CAMK2B: variants seen among roughly 807,000 people sequenced by gnomAD.
CAMK2B encodes the protein calcium/calmodulin-dependent protein kinase type II subunit beta.
Under a neutral mutation model 93.7 loss-of-function variants are expected in CAMK2B, and 27 were observed. The observed-to-expected ratio is 0.29, with a 90% CI of 0.21 to 0.40. The LOEUF is 0.40. Among genes scored for constraint, CAMK2B ranks in the 10% least tolerant of loss-of-function variants. The pLI, the probability that CAMK2B is intolerant of heterozygous loss-of-function variation, is 1.00. For missense variants in CAMK2B, 568 were observed against 895.8 expected (o/e 0.63, Z 4.67); for synonymous variants, 374 against 358.8 (o/e 1.04, Z -0.48).
Position 44,318,693 on chromosome 7 carries a change from G to A in CAMK2B, c.65+6664C>T, listed in dbSNP as rs181201728. ...GCTGCTCACAAAGTGAGGAAACAAG[G>A]ACTGTGGGTCCCAAATTCCACCCTG... On this transcript the variant is annotated intron_variant, in intron 1 of 23. Coordinates refer to ENST00000395749, the MANE Select transcript of CAMK2B (RefSeq NM_001220.5). Among the ~76,000 whole-genome samples, 357 of 152,344 alleles carry A rather than the reference G, an allele frequency of 2.3e-3. 2 individuals carry two copies. Among genetic ancestry groups the A allele is most frequent in the African/African-American group, 8.0e-3 (331 of 41,578 alleles).
At chr7:44,304,193 T>C (rs1389276319) in intron 1 of CAMK2B, among the ~76,000 whole-genome samples, 2 of 152,188 alleles carry the variant, frequency 1.3e-5, no homozygotes, top group Non-Finnish European at 2.9e-5. Flanking sequence ...GGTAGTTTCT[T>C]GCAAAACTAA....
intron 1 of CAMK2B, among the ~76,000 whole-genome samples, chr7:44,287,891 C>T (rs1297870824): frequency 6.6e-6 from 1 of 152,226 alleles, no homozygotes; most frequent in African/African-American, 2.4e-5. Flanking sequence ...TCACTTTTGC[C>T]ACTCCCCCTT....
In CAMK2B at chr7:44,225,800, C is replaced by G. The variant is rs1433278927; in HGVS notation, c.1597+716G>C. ...CTGCCATGCCGAGCCCGTGGCCCAGCAGCCTCTTCTCTAAGAGTATCTCCA... is the reference window on the plus strand; with the variant it reads ...CTGCCATGCCGAGCCCGTGGCCCAGGAGCCTCTTCTCTAAGAGTATCTCCA... On this transcript the variant is annotated intron_variant, in intron 20 of 23. Transcript: ENST00000395749. The surrounding 1 kb of genome is among the most constrained non-coding windows in gnomAD (Gnocchi z 5.0). 2.3e-6 allele frequency: 3 copies of G among 1,289,410 alleles called. No homozygotes were observed. The highest frequency in any genetic ancestry group is 3.0e-6 in the Non-Finnish European group (3 of 988,810). The allele number at this position is 1,289,410 out of a possible 1,614,324, so 79.9% of individuals were successfully genotyped here. A position where few individuals can be genotyped will look rare whatever the true frequency, so the allele number is the denominator to read the frequency against.
At chr7:44,251,189 C>T (rs2096777175) in intron 5 of CAMK2B, among the ~76,000 whole-genome samples, 1 of 152,182 alleles carries the variant, frequency 6.6e-6, no homozygotes. Context: ...GGCCTCGGCC[C>T]ATCCTGTCCC....
chr7:44,302,220 A>G (rs781678342), intron 1 of CAMK2B, among the ~76,000 whole-genome samples: 1 of 152,236 alleles, frequency 6.6e-6, no homozygotes, highest in African/African-American at 2.4e-5. Context: ...ATAATGTAAT[A>G]TAAACAGGAC....
At chr7:44,263,193 C>A in intron 2 of CAMK2B, 129 bp from the exon 3 acceptor site, 1 of 762,876 alleles carries the variant, frequency 1.3e-6, no homozygotes, top group Non-Finnish European at 2.1e-6. Flanking sequence ...GTGCCCCCAC[C>A]AAGGGAACAC....
At chr7:44,318,983 G>A (rs1216054388) in intron 1 of CAMK2B, among the ~76,000 whole-genome samples, 1 of 152,096 alleles carries the variant, frequency 6.6e-6, no homozygotes, top group Non-Finnish European at 1.5e-5. Flanking sequence ...AACATAAAAG[G>A]ATGTTTTCAT....
intron 20 of CAMK2B, among the ~76,000 whole-genome samples, chr7:44,221,517 TC>T: frequency 6.7e-6 from 1 of 149,902 alleles, no homozygotes. Context: ...GCTGCAGGGT[TC>T]CCCGGAGCGA....
rs2096363627 is a variant in CAMK2B at position 44,218,812 on chromosome 7, A to G, written c.*713T>C. The G allele has an allele frequency of 6.6e-6, 1 of 152,308 alleles. No homozygotes were observed. The highest frequency in any genetic ancestry group is 1.9e-4 in the East Asian group (1 of 5,196). The allele number at this position is 152,308 out of a possible 1,614,324, so 9.4% of individuals were successfully genotyped here. ...CCTTGGGGACGGGACTCCAGTTTCA[A>G]TACTCCAGGGGGTGAGGGGCCGGCC... is the stretch of plus-strand genomic sequence containing the variant. On this transcript the variant is annotated 3_prime_UTR_variant, in exon 24 of 24. Transcript: ENST00000395749.
chr7:44,245,862 G>C (rs1235305188), intron 6 of CAMK2B, among the ~76,000 whole-genome samples: 1 of 152,178 alleles, frequency 6.6e-6, no homozygotes, highest in African/African-American at 2.4e-5. Context: ...AATGCCATCA[G>C]GGTGATGGCC....
At chr7:44,293,619 G>T (rs1787460354) in intron 1 of CAMK2B, among the ~76,000 whole-genome samples, 1 of 152,212 alleles carries the variant, frequency 6.6e-6, no homozygotes, top group South Asian at 2.1e-4. Flanking sequence ...TTTCACCTAA[G>T]ATTATCAGGC....
chr7:44,271,526 T>C lies in CAMK2B; in HGVS notation c.161-8462A>G, dbSNP rs1231270496. Among the ~76,000 whole-genome samples the C allele has an allele frequency of 1.3e-5, 2 of 152,166 alleles. No individual in the cohort carries two copies. The highest frequency in any genetic ancestry group is 6.5e-5 in the Admixed American group (1 of 15,286). On this transcript the variant is annotated intron_variant, in intron 2 of 23. Transcript: ENST00000395749. The surrounding 1 kb of genome is among the most constrained non-coding windows in gnomAD (Gnocchi z 4.2). ...GACTCTGGTGACAGAAAAGTGGGCA[T>C]TGGCTGTGGGGTGGGGCAGGCAGAG... is the stretch of plus-strand genomic sequence containing the variant.
At chr7:44,253,823 C>A (rs1351607428) in intron 5 of CAMK2B, among the ~76,000 whole-genome samples, 2 of 151,898 alleles carry the variant, frequency 1.3e-5, no homozygotes, top group African/African-American at 4.8e-5. Flanking sequence ...GTCTCAAACT[C>A]CTAGCCTCAA....
Position 44,239,084 on chromosome 7 carries a change from C to T in CAMK2B, c.1021+505G>A, listed in dbSNP as rs1488510392. On this transcript the variant is annotated intron_variant, in intron 13 of 23. Transcript: ENST00000395749. ...CATAAAACCCTCACCCACTCCAGAG[C>T]GGCTTGTCCTGGGGGGATGCTCAGG... Among the ~76,000 whole-genome samples the T allele has an allele frequency of 9.9e-5, 15 of 152,214 alleles. 1 individual carries two copies. The highest frequency in any genetic ancestry group is 9.2e-4 in the Admixed American group (14 of 15,290).
chr7:44,325,968 C>T (rs1797429506), upstream of CAMK2B: 1 of 152,654 alleles, frequency 6.6e-6, no homozygotes, highest in Admixed American at 6.6e-5. Context: ...GCTGCCGACC[C>T]CTCGCTCTCA....
chr7:44,316,989 C>T (rs147631456), intron 1 of CAMK2B, among the ~76,000 whole-genome samples: 110 of 152,178 alleles, frequency 7.2e-4, no homozygotes, highest in African/African-American at 2.4e-3. Flanking sequence ...GTATTAATCA[C>T]CTTCTACCCT....
chr7:44,281,508 C>A (rs923455100), intron 2 of CAMK2B, among the ~76,000 whole-genome samples: 1 of 152,148 alleles, frequency 6.6e-6, no homozygotes, highest in Non-Finnish European at 1.5e-5. Flanking sequence ...AGAGGCAGCT[C>A]GGATCCTGTG....
intron 3 of CAMK2B, among the ~76,000 whole-genome samples, chr7:44,261,952 G>A (rs1045165934): frequency 1.8e-4 from 27 of 152,188 alleles, no homozygotes; most frequent in South Asian, 4.1e-4. Flanking sequence ...AGGCCCCTGA[G>A]AGCCCACCTG....
chr7:44,280,324 C>T (rs1195125032), intron 2 of CAMK2B, among the ~76,000 whole-genome samples: 2 of 152,176 alleles, frequency 1.3e-5, no homozygotes, highest in Non-Finnish European at 2.9e-5. Flanking sequence ...CCACGGGTCT[C>T]AATCTGTGGA....
Sources: gnomAD v4.1 joint callset for allele counts (sites outside exome capture counted in the v4.1 genomes callset) on GRCh38, gnomAD v4.1.1 for gene constraint, Gnocchi (gnomAD v3.1) non-coding constraint, MANE v1.5 for transcripts, NCBI Gene and HGNC (gene_info 2026-07-23, HGNC 2026-07-21) for gene names.